FHIT: variants seen among roughly 807,000 people sequenced by gnomAD.
FHIT encodes the protein bis(5'-adenosyl)-triphosphatase.
Under a neutral mutation model 17.9 loss-of-function variants are expected in FHIT, and 19 were observed. That is an observed-to-expected ratio of 1.06 (90% CI 0.74 to 1.56). The LOEUF (loss-of-function observed/expected upper bound fraction) is 1.56. FHIT is among the 40% of genes most tolerant of loss of function. FHIT has a pLI of 0.00. For synonymous variants in FHIT, 81 were observed against 69.7 expected (o/e 1.16, Z -0.81); for missense variants, 248 against 189.2 (o/e 1.31, Z -1.82).
intron 5 of FHIT, among the ~76,000 whole-genome samples, chr3:60,293,080 TG>T: frequency 6.6e-6 from 1 of 152,300 alleles, no homozygotes; most frequent in Middle Eastern, 3.4e-3. Context: ...AGCATAAAAA[TG>T]TCTTTGAAAA....
chr3:60,468,381 T>A (rs985540172), intron 5 of FHIT, among the ~76,000 whole-genome samples: 1 of 152,134 alleles, frequency 6.6e-6, no homozygotes, highest in African/African-American at 2.4e-5. Context: ...CTTCTTTCAT[T>A]CCTTCCTGTC....
intron 5 of FHIT, among the ~76,000 whole-genome samples, chr3:60,049,608 T>C (rs1438975138): frequency 1.3e-5 from 2 of 152,338 alleles, no homozygotes; most frequent in East Asian, 3.9e-4. Context: ...CAGTAAGTTT[T>C]ATGTTGATGA....
intron 8 of FHIT, among the ~76,000 whole-genome samples, chr3:59,804,118 G>A (rs1465697020): frequency 6.6e-6 from 1 of 152,184 alleles, no homozygotes; most frequent in Non-Finnish European, 1.5e-5. Context: ...AGCAAGGAAA[G>A]AACTCAGCAA....
intron 3 of FHIT, among the ~76,000 whole-genome samples, chr3:60,942,499 T>G (rs1335973712): frequency 6.6e-6 from 1 of 152,156 alleles, no homozygotes; most frequent in African/African-American, 2.4e-5. Context: ...TCTTTTGACC[T>G]TCTATTTTCA....
At chr3:60,614,649 CA>C (rs1559583246) in intron 4 of FHIT, among the ~76,000 whole-genome samples, 2 of 151,630 alleles carry the variant, frequency 1.3e-5, no homozygotes, top group African/African-American at 4.9e-5. Flanking sequence ...ATTTGGGTGC[CA>C]AAAAATGTGT....
intron 5 of FHIT, among the ~76,000 whole-genome samples, chr3:60,055,051 T>C (rs75962668): frequency 0.013 from 1,949 of 152,260 alleles, 36 homozygotes; most frequent in African/African-American, 0.045. Context: ...TGTCATTATA[T>C]GATTTTTCAC....
At chr3:60,227,514 T>C (rs1370079075) in intron 5 of FHIT, among the ~76,000 whole-genome samples, 1 of 152,208 alleles carries the variant, frequency 6.6e-6, no homozygotes, top group Non-Finnish European at 1.5e-5. Context: ...TGTCTTCAAA[T>C]TTTGTGACAC....
chr3:59,919,852 A>G (rs1027951247), intron 8 of FHIT, among the ~76,000 whole-genome samples: 1 of 152,180 alleles, frequency 6.6e-6, no homozygotes, highest in Non-Finnish European at 1.5e-5. Context: ...GATTAAGATC[A>G]TTTGGTCTAA....
chr3:60,819,925 T>A (rs1333123673), intron 4 of FHIT, among the ~76,000 whole-genome samples: 1 of 152,196 alleles, frequency 6.6e-6, no homozygotes, highest in Non-Finnish European at 1.5e-5. Flanking sequence ...ACTTAAATAG[T>A]CTACAGTCCT....
intron 6 of FHIT, among the ~76,000 whole-genome samples, chr3:60,012,266 G>GTTTTTTTTTTTTTTT (rs769497004): frequency 3.6e-5 from 4 of 112,474 alleles, no homozygotes; most frequent in South Asian, 3.0e-4. Flanking sequence ...TTTTTTTGTT[G>GTTTTTTTTTTTTTTT]TTTTTTTTTT....
chr3:60,965,210 C>T (rs1258396323), intron 3 of FHIT, among the ~76,000 whole-genome samples: 1 of 151,950 alleles, frequency 6.6e-6, no homozygotes, highest in Non-Finnish European at 1.5e-5. Flanking sequence ...TTCTTTCTTC[C>T]ACTTGATCGA....
At chr3:60,865,331 T>C (rs1440917308) in intron 3 of FHIT, among the ~76,000 whole-genome samples, 2 of 152,190 alleles carry the variant, frequency 1.3e-5, no homozygotes, top group Non-Finnish European at 2.9e-5. Context: ...ATTAGCCCCA[T>C]TTCAAGTCCT....
intron 7 of FHIT, among the ~76,000 whole-genome samples, chr3:59,971,816 G>A (rs914711080): frequency 2.6e-5 from 4 of 152,028 alleles, no homozygotes; most frequent in Non-Finnish European, 5.9e-5. Context: ...GCATTTCAAG[G>A]GTCACTGTGC....
At chr3:60,625,873 G>C (rs1389115310) in intron 4 of FHIT, among the ~76,000 whole-genome samples, 1 of 152,110 alleles carries the variant, frequency 6.6e-6, no homozygotes, top group African/African-American at 2.4e-5. Flanking sequence ...TATAGTTTTA[G>C]CTTTTACATT....
chr3:59,947,317 C>T (rs1183715507), intron 7 of FHIT, among the ~76,000 whole-genome samples: 1 of 152,060 alleles, frequency 6.6e-6, no homozygotes, highest in Admixed American at 6.6e-5. Context: ...TAGTAATAGT[C>T]TCTGGGGAGT....
chr3:60,512,135 A>C (rs1044811253), intron 5 of FHIT, among the ~76,000 whole-genome samples: 1 of 152,196 alleles, frequency 6.6e-6, no homozygotes, highest in Non-Finnish European at 1.5e-5. Flanking sequence ...TAAAACAAAC[A>C]ATTAGGGGAA....
intron 5 of FHIT, among the ~76,000 whole-genome samples, chr3:60,223,604 T>C (rs1222723550): frequency 3.3e-5 from 5 of 152,210 alleles, no homozygotes; most frequent in Non-Finnish European, 2.9e-5. Flanking sequence ...TTCTTTTCAT[T>C]ACTCAGTGAT....
rs782494801 is a variant in FHIT at position 60,789,156 on chromosome 3, G to GTATATA, written c.-18+32757_-18+32762dup. ...TATAGAGAGAGATGTGTGTGTGTGT[G>GTATATA]TATATATATATATATATATAGAGAG... On this transcript the variant is annotated intron_variant, in intron 4 of 9. Coordinates refer to ENST00000492590, the MANE Select transcript of FHIT (RefSeq NM_002012.4). Among the ~76,000 whole-genome samples, 49 of 131,146 alleles carry GTATATA rather than the reference G, an allele frequency of 3.7e-4. No homozygotes were observed. The East Asian group carries it at 8.0e-3, about 21-fold the overall frequency. The allele number at this position is 131,146 out of a possible 152,430, so 86.0% of individuals were successfully genotyped here.
chr3:60,054,699 T>G (rs149296175), intron 5 of FHIT, among the ~76,000 whole-genome samples: 597 of 152,266 alleles, frequency 3.9e-3, no homozygotes, highest in Non-Finnish European at 6.8e-3. Flanking sequence ...AGATGTTAGG[T>G]GCTGGGTTAA....
Sources: gnomAD v4.1 joint callset for allele counts (sites outside exome capture counted in the v4.1 genomes callset) on GRCh38, gnomAD v4.1.1 for gene constraint, MANE v1.5 for transcripts, NCBI Gene and HGNC (gene_info 2026-07-23, HGNC 2026-07-21) for gene names.